NME8: variants seen among roughly 807,000 people sequenced by gnomAD.
The protein encoded by NME8 is NME/NM23 family member 8.
Under a neutral mutation model 82.3 loss-of-function variants are expected in NME8, and 72 were observed. The ratio of observed to expected loss-of-function variants is 0.87; its 90% CI spans 0.72 to 1.06. The LOEUF is 1.06. NME8 is among the 50% of genes least tolerant of loss of function. The pLI, the probability that NME8 is intolerant of heterozygous loss-of-function variation, is 0.00. For missense variants in NME8, 712 were observed against 685.4 expected, an observed-to-expected ratio of 1.04 and a Z score of -0.43; for synonymous variants, 267 against 228.5, an observed-to-expected ratio of 1.17 and a Z score of -1.52.
rs1461147885 is a variant in NME8 at position 37,884,581 on chromosome 7, T to C, written c.1139+134T>C. ...TGTTCTGAGTTTACTTCTCTACCAG[T>C]CCTGCTCCCATCCCAATCCTCTGCT... On this transcript the variant is annotated intron_variant, in intron 13 of 17. Transcript: ENST00000199447. 59 of 718,422 alleles carry C rather than the reference T, an allele frequency of 8.2e-5. No individual in the cohort carries two copies. In the South Asian group the frequency reaches 8.5e-4, roughly 10 times the overall value. The allele number at this position is 718,422 out of a possible 1,614,324, so 44.5% of individuals were successfully genotyped here.
At chr7:37,886,645 T>C (rs1227639690) in intron 14 of NME8, among the ~76,000 whole-genome samples, 1 of 152,112 alleles carries the variant, frequency 6.6e-6, no homozygotes, top group Non-Finnish European at 1.5e-5. Context: ...CCCGGACATT[T>C]TCCAATAATC....
chr7:37,883,122 C>T (rs1784989493), intron 12 of NME8, among the ~76,000 whole-genome samples: 1 of 152,126 alleles, frequency 6.6e-6, no homozygotes, highest in Non-Finnish European at 1.5e-5. Context: ...ATTAAATCTA[C>T]TTTCTTTAGC....
rs756982461 is a variant in NME8 at position 37,850,723 on chromosome 7, G to C, written c.186G>C (p.Leu62=). 5 of 1,610,290 alleles carry C rather than the reference G, an allele frequency of 3.1e-6. No individual in the cohort carries two copies. The South Asian group carries it at 4.4e-5, about 14-fold the overall frequency. ...LKNELNEDEI[L]HFAVAEADNI... is the part of the protein sequence containing the mutation. ...ATGAACTGAACGAAGACGAAATTCT[G>C]CATTTTGCTGTCGTAAGAATTTTGT... The change falls in exon 5 of 18, where the codon CTG becomes CTC. Residue 62 remains leucine (L), a synonymous_variant. Coordinates refer to ENST00000199447, the MANE Select transcript of NME8 (RefSeq NM_016616.5).
At chr7:37,857,955 G>C (rs1784537583) in intron 6 of NME8, among the ~76,000 whole-genome samples, 2 of 152,146 alleles carry the variant, frequency 1.3e-5, no homozygotes, top group South Asian at 4.1e-4. Flanking sequence ...TCAGCACTTT[G>C]GGAGGCTGAG....
At chr7:37,885,289 G>T (rs780711185) in intron 14 of NME8, 37 bp downstream of exon 14, 2 of 1,299,768 alleles carry the variant, frequency 1.5e-6, no homozygotes, top group Non-Finnish European at 2.2e-6. Flanking sequence ...CTGTTTTCGT[G>T]GGCTCCATTT....
At chr7:37,880,195 T>C (rs1430399835) in intron 12 of NME8, among the ~76,000 whole-genome samples, 1 of 152,226 alleles carries the variant, frequency 6.6e-6, no homozygotes. Context: ...GAAAAGTCTT[T>C]ATTTTTAATT....
intron 15 of NME8, among the ~76,000 whole-genome samples, chr7:37,889,041 A>G (rs2131971089): frequency 6.6e-6 from 1 of 151,870 alleles, no homozygotes; most frequent in East Asian, 1.9e-4. Flanking sequence ...GTTTGGTAAA[A>G]TTTTCCTGTG....
chr7:37,876,964 G>T lies in NME8; in HGVS notation c.951G>T (p.Lys317Asn). 6.2e-7 allele frequency: 1 copy of T among 1,613,236 alleles called. No homozygotes were observed. Among genetic ancestry groups the T allele is most frequent in the South Asian group, 1.1e-5 (1 of 91,062 alleles). ...FKKMKSMKLE[K>N]TLALLRPNLF... ...AAATGAAAAGCATGAAATTAGAAAAGACATTGGCATTACTTCGACCAAATC... is the reference window on the plus strand; with the variant it reads ...AAATGAAAAGCATGAAATTAGAAAATACATTGGCATTACTTCGACCAAATC... Residue 317 changes from lysine to asparagine, a missense_variant, in exon 12 of 18, where the codon AAG becomes AAT. Physicochemically the swap from Lys to Asn is moderately conservative, Grantham distance 94. Transcript: ENST00000199447.
chr7:37,850,411 A>T lies in NME8; in HGVS notation c.67A>T (p.Met23Leu). 5 of 1,614,102 alleles carry T rather than the reference A, an allele frequency of 3.1e-6. No individual in the cohort carries two copies. The highest frequency in any genetic ancestry group is 4.2e-6 in the Non-Finnish European group (5 of 1,180,000). ...CAATAATCAAAGCCTGTGGGATGAG[A>T]TGTTGCAGAACAAAGGCTTAACAGG... ...VINNQSLWDE[M>L]LQNKGLTVID... Residue 23 changes from methionine to leucine, a missense_variant, in exon 4 of 18, where the codon ATG (methionine) becomes TTG (leucine). Physicochemically the swap from Met to Leu is conservative, Grantham distance 15 (BLOSUM62 2). Transcript: ENST00000199447.
chr7:37,867,830 A>G lies in NME8; in HGVS notation c.750A>G (p.Glu250=), dbSNP rs760474274. Residue 250 remains glutamate (E), a synonymous_variant, in exon 11 of 18, where the codon GAA becomes GAG. Transcript: ENST00000199447. ...CACAGACTGACACCGAACCTAACGA[A>G]CGATCTGAGGATCAACCTGAGGTCG... is the stretch of plus-strand genomic sequence containing the variant. ...TEPQTDTEPN[E]RSEDQPEVEA... 1.9e-6 allele frequency: 3 copies of G among 1,613,934 alleles called. No individual in the cohort carries two copies. In the South Asian group the frequency reaches 3.3e-5, roughly 18 times the overall value.
intron 12 of NME8, among the ~76,000 whole-genome samples, chr7:37,883,350 A>G (rs1332801204): frequency 1.3e-5 from 2 of 152,144 alleles, no homozygotes; most frequent in Admixed American, 6.5e-5. Context: ...CACTTTTTCA[A>G]CTTTCAAGAG....
At chr7:37,887,059 G>A (rs1785052262) in intron 14 of NME8, among the ~76,000 whole-genome samples, 1 of 151,864 alleles carries the variant, frequency 6.6e-6, no homozygotes, top group Non-Finnish European at 1.5e-5. Context: ...TGTTTAAAGG[G>A]AAAAAAGTGA....
chr7:37,897,051 G>C lies in NME8; in HGVS notation c.1726G>C (p.Glu576Gln). 2 of 1,613,908 alleles carry C rather than the reference G, an allele frequency of 1.2e-6. No individual in the cohort carries two copies. The highest frequency in any genetic ancestry group is 1.7e-6 in the Non-Finnish European group (2 of 1,179,862). Residue 576 changes from glutamate to glutamine, a missense_variant, in exon 17 of 18, where the codon GAG (glutamate) becomes CAG (glutamine). By Grantham distance (29) the Glu-to-Gln change is conservative (BLOSUM62 2). Transcript: ENST00000199447. Reference protein sequence around the residue: ...HGASNAYEAKEVVNRLFEDPE... With the variant: ...HGASNAYEAKQVVNRLFEDPE... ...AGCATCTAACGCCTATGAAGCAAAA[G>C]AGGTTGTTAATAGACTCTTTGAGGA... is the stretch of plus-strand genomic sequence containing the variant.
At chr7:37,852,748 C>T (rs1393233970) in intron 5 of NME8, among the ~76,000 whole-genome samples, 2 of 152,186 alleles carry the variant, frequency 1.3e-5, no homozygotes, top group Admixed American at 1.3e-4. Flanking sequence ...TGAAGAACAT[C>T]TTGGTTGCTT....
At chr7:37,891,205 A>C (rs1785124182) in intron 15 of NME8, among the ~76,000 whole-genome samples, 1 of 151,910 alleles carries the variant, frequency 6.6e-6, no homozygotes, top group Non-Finnish European at 1.5e-5. Flanking sequence ...ATAGCTTGAA[A>C]ATATTTTCTT....
chr7:37,864,212 T>A (rs1029124915), intron 8 of NME8, 136 bp from the exon 9 acceptor site: 5 of 1,074,330 alleles, frequency 4.7e-6, no homozygotes, highest in Non-Finnish European at 5.4e-6. Context: ...TGAAATGCCG[T>A]AGTAAGATAC....
At chr7:37,894,033 A>C (rs1475576437) in intron 15 of NME8, among the ~76,000 whole-genome samples, 1 of 152,144 alleles carries the variant, frequency 6.6e-6, no homozygotes, top group Non-Finnish European at 1.5e-5. Context: ...TGTTGGTGAG[A>C]TTTTGACAAC....
chr7:37,888,469 C>T lies in NME8; in HGVS notation c.1399+41C>T, dbSNP rs997052750. 3.2e-6 allele frequency: 5 copies of T among 1,566,192 alleles called. No homozygotes were observed. In the African/African-American group the frequency reaches 6.8e-5, roughly 21 times the overall value. On this transcript the variant is annotated intron_variant, in intron 15 of 17. Transcript: ENST00000199447. ...TAAAAGTGAATGTATACATTTTCTC[C>T]AAATTTTGTGAACATTTAAAAAATT...
intron 11 of NME8, among the ~76,000 whole-genome samples, chr7:37,872,287 T>C (rs1252354823): frequency 6.6e-6 from 1 of 152,134 alleles, no homozygotes; most frequent in African/African-American, 2.4e-5. Flanking sequence ...AAGCACAAGC[T>C]TGTAGAGGTC....
Sources: allele counts gnomAD v4.1 joint callset (sites outside exome capture counted in the v4.1 genomes callset), GRCh38; gene constraint gnomAD v4.1.1; transcripts MANE v1.5; gene names NCBI Gene and HGNC (gene_info 2026-07-23, HGNC 2026-07-21).